Variants in CDA observed in about 807,000 individuals in gnomAD.
The protein encoded by CDA is cytidine aminohydrolase.
CDA carries 7 observed loss-of-function variants against 15.0 expected under a neutral mutation model. The ratio of observed to expected loss-of-function variants is 0.47; its 90% CI spans 0.26 to 0.87. The LOEUF (loss-of-function observed/expected upper bound fraction) is 0.87. Ranked by LOEUF, CDA falls within the 40% of genes least tolerant of loss-of-function variation. The pLI, the probability that CDA is intolerant of heterozygous loss-of-function variation, is 0.15. For missense variants in CDA, 159 were observed against 182.7 expected, an observed-to-expected ratio of 0.87 and a Z score of 0.75; for synonymous variants, 58 against 73.0, an observed-to-expected ratio of 0.79 and a Z score of 1.05.
At chr1:20,617,945 C>T (rs1341042766) in intron 3 of CDA, among the ~76,000 whole-genome samples, 1 of 152,102 alleles carries the variant, frequency 6.6e-6, no homozygotes, top group Non-Finnish European at 1.5e-5. Flanking sequence ...ATCCGCCTGC[C>T]TCGGCCTCCC....
chr1:20,595,613 C>T (rs972218601), intron 1 of CDA, among the ~76,000 whole-genome samples: 1 of 152,208 alleles, frequency 6.6e-6, no homozygotes, highest in Non-Finnish European at 1.5e-5. Context: ...GTCCTCTCCA[C>T]TGTCACTCAA....
intron 1 of CDA, among the ~76,000 whole-genome samples, chr1:20,601,826 G>C (rs2052646655): frequency 6.6e-6 from 1 of 152,050 alleles, no homozygotes; most frequent in Non-Finnish European, 1.5e-5. Flanking sequence ...ATGAAGACTT[G>C]GACTTATAAA....
chr1:20,615,942 G>C (rs1014224277), intron 3 of CDA, among the ~76,000 whole-genome samples: 1 of 152,194 alleles, frequency 6.6e-6, no homozygotes, highest in African/African-American at 2.4e-5. Context: ...CAAGGCTGCA[G>C]TGAGCTGTGA....
intron 3 of CDA, among the ~76,000 whole-genome samples, chr1:20,615,507 A>G (rs1214467662): frequency 6.6e-6 from 1 of 151,668 alleles, no homozygotes; most frequent in Non-Finnish European, 1.5e-5. Context: ...AAACAAAAAA[A>G]TGAAAACGAA....
At chr1:20,610,644 C>T (rs1194704226) in intron 2 of CDA, among the ~76,000 whole-genome samples, 1 of 152,060 alleles carries the variant, frequency 6.6e-6, no homozygotes, top group Non-Finnish European at 1.5e-5. Flanking sequence ...TGAAATAGTA[C>T]ATAAATCACA....
chr1:20,607,256 G>C (rs546710122), intron 2 of CDA, among the ~76,000 whole-genome samples: 1 of 152,326 alleles, frequency 6.6e-6, no homozygotes, highest in South Asian at 2.1e-4. Context: ...CTTTGCCTCA[G>C]TCTGGCCCCA....
chr1:20,618,682 GA>G lies in CDA; in HGVS notation c.*115del. The G allele has an allele frequency of 1.3e-6, 1 of 760,930 alleles. No individual in the cohort carries two copies. Among genetic ancestry groups the G allele is most frequent in the Non-Finnish European group, 2.4e-6 (1 of 419,636 alleles). 47.1% of individuals were successfully genotyped at this position (760,930 alleles called of 1,614,324 possible). A position where few individuals can be genotyped will look rare whatever the true frequency, so the allele number is the denominator to read the frequency against. Reference sequence around the variant, plus strand: ...CCCAGCCCTACAGGGACTGGGCAAAGATGATGTTTCCAGATTACACTCCAGC... The same window carrying G: ...CCCAGCCCTACAGGGACTGGGCAAAGTGATGTTTCCAGATTACACTCCAGC... On this transcript the variant is annotated 3_prime_UTR_variant, in exon 4 of 4. Transcript: ENST00000375071.
intron 1 of CDA, among the ~76,000 whole-genome samples, chr1:20,602,228 T>C (rs1022592024): frequency 6.6e-6 from 1 of 151,876 alleles, no homozygotes; most frequent in South Asian, 2.1e-4. Flanking sequence ...TCAAACAAGA[T>C]GTGGTGGCTT....
chr1:20,595,988 A>C (rs2052588421), intron 1 of CDA, among the ~76,000 whole-genome samples: 1 of 151,824 alleles, frequency 6.6e-6, no homozygotes, highest in Non-Finnish European at 1.5e-5. Flanking sequence ...GTCTCTATTA[A>C]AAATACAAAA....
At chr1:20,595,842 CAAAAAA>C (rs1195136238) in intron 1 of CDA, among the ~76,000 whole-genome samples, 8 of 73,068 alleles carry the variant, frequency 1.1e-4, no homozygotes, top group South Asian at 5.3e-4. Context: ...AAGACTCTCT[CAAAAAA>C]AAAAAAAAAA....
rs553480719 is a variant in CDA, at chr1:20,590,962, G to T, written c.154+1679G>T. ...AGCACTGGAACTGGTGTTCTGCTTG[G>T]AACAGCAGGAGGTCAGACAGCCTCA... On this transcript the variant is annotated intron_variant, in intron 1 of 3. Transcript: ENST00000375071. Among the ~76,000 whole-genome samples the T allele has an allele frequency of 5.9e-5, 9 of 152,274 alleles. No individual in the cohort carries two copies. The East Asian group carries it at 1.7e-3, about 29-fold the overall frequency.
chr1:20,589,296 AC>A lies in CDA; in HGVS notation c.154+17del. 6.2e-7 allele frequency: 1 copy of A among 1,612,616 alleles called. No individual in the cohort carries two copies. Among genetic ancestry groups the A allele is most frequent in the Non-Finnish European group, 8.5e-7 (1 of 1,179,194 alleles). Reference sequence around the variant, plus strand: ...AGAATCTTCAAAGGTAAAGGTGGGCACCCCAGGGTCCCCCAGCCCAGCAGCC... The same window carrying A: ...AGAATCTTCAAAGGTAAAGGTGGGCACCCAGGGTCCCCCAGCCCAGCAGCC... On this transcript the variant is annotated intron_variant, in intron 1 of 3. Coordinates refer to ENST00000375071, the MANE Select transcript of CDA (RefSeq NM_001785.3).
intron 2 of CDA, among the ~76,000 whole-genome samples, chr1:20,610,810 A>C (rs2052743937): frequency 6.6e-6 from 1 of 152,200 alleles, no homozygotes; most frequent in African/African-American, 2.4e-5. Context: ...ATCTCATTTT[A>C]TCTTCTAGCA....
At chr1:20,607,028 C>A (rs1253307208) in intron 2 of CDA, among the ~76,000 whole-genome samples, 1 of 152,214 alleles carries the variant, frequency 6.6e-6, no homozygotes, top group Non-Finnish European at 1.5e-5. Flanking sequence ...TTAGGGACAT[C>A]TGGGTGCATA....
In CDA at chr1:20,618,451, G is replaced by A. The variant is rs1225997534; in HGVS notation, c.325-1G>A. Reference sequence around the variant, plus strand: ...TCACGCCAGCTTTGCCTCTTTTCCAGTTTGGCACCAACTGGCCCGTGTACA... The same window carrying A: ...TCACGCCAGCTTTGCCTCTTTTCCAATTTGGCACCAACTGGCCCGTGTACA... On this transcript the variant is annotated splice_acceptor_variant, in intron 3 of 3. Transcript: ENST00000375071. LOFTEE classifies it high-confidence loss of function. The A allele has an allele frequency of 6.2e-7, 1 of 1,600,366 alleles. No homozygotes were observed. The highest frequency in any genetic ancestry group is 2.2e-5 in the East Asian group (1 of 44,760).
intron 2 of CDA, among the ~76,000 whole-genome samples, chr1:20,610,261 CTTT>C (rs760754305): frequency 1.6e-5 from 1 of 62,934 alleles, no homozygotes; most frequent in Non-Finnish European, 4.3e-5. Flanking sequence ...CACACATTAT[CTTT>C]TTTTTTTTTA....
intron 2 of CDA, among the ~76,000 whole-genome samples, chr1:20,612,820 G>A (rs1265647976): frequency 6.6e-6 from 1 of 151,560 alleles, no homozygotes; most frequent in Admixed American, 6.6e-5. Context: ...GTGCATGCCT[G>A]TAATCCCAGC....
At chr1:20,589,713 C>T (rs1377383879) in intron 1 of CDA, among the ~76,000 whole-genome samples, 5 of 152,138 alleles carry the variant, frequency 3.3e-5, no homozygotes, top group South Asian at 2.1e-4. Flanking sequence ...ACGGAGGTCT[C>T]GAGAGGTGAC....
chr1:20,604,223 A>G (rs142822490), intron 1 of CDA, among the ~76,000 whole-genome samples: 1,981 of 152,280 alleles, frequency 0.013, 43 homozygotes, highest in African/African-American at 0.045. Context: ...CTATAACAGA[A>G]TACCATAGAC....
Sources: allele counts gnomAD v4.1 joint callset (sites outside exome capture counted in the v4.1 genomes callset), GRCh38; gene constraint gnomAD v4.1.1; transcripts MANE v1.5; gene names NCBI Gene and HGNC (gene_info 2026-07-23, HGNC 2026-07-21).